Variants in DPYSL5 observed in about 807,000 individuals in gnomAD.
DPYSL5 encodes the protein dihydropyrimidinase like 5, also known as dihydropyrimidinase-related protein 5.
A neutral mutation model predicts 58.4 loss-of-function variants in DPYSL5; 9 were observed. That is an observed-to-expected ratio of 0.15 (90% CI 0.09 to 0.27). DPYSL5 has a LOEUF of 0.27. DPYSL5 is among the 10% of genes least tolerant of loss of function. The probability of loss-of-function intolerance (pLI) is 1.00; values close to 1 mark genes in which losing one functional copy is unlikely to be tolerated. For synonymous variants in DPYSL5, 293 were observed against 301.9 expected, an observed-to-expected ratio of 0.97 and a Z score of 0.31; for missense variants, 499 against 770.6, an observed-to-expected ratio of 0.65 and a Z score of 4.17.
At chr2:26,901,688 AAAG>A (rs1288426756) in intron 2 of DPYSL5, among the ~76,000 whole-genome samples, 9 of 152,188 alleles carry the variant, frequency 5.9e-5, no homozygotes, top group Non-Finnish European at 1.2e-4. Flanking sequence ...ATTAGCCAAG[AAAG>A]AAGGAGAGAT....
Position 26,947,048 on chromosome 2 carries a change from C to A in DPYSL5, c.*53C>A. The A allele has an allele frequency of 2.0e-6, 3 of 1,469,348 alleles. No individual in the cohort carries two copies. The highest frequency in any genetic ancestry group is 2.8e-6 in the Non-Finnish European group (3 of 1,061,506). The allele number at this position is 1,469,348 out of a possible 1,614,324, so 91.0% of individuals were successfully genotyped here. ...ACGCACCGCCGCCACCAGCCCGCAACTCTCCAGCCGAAGCTGCAGGGGCAG... is the reference window on the plus strand; with the variant it reads ...ACGCACCGCCGCCACCAGCCCGCAAATCTCCAGCCGAAGCTGCAGGGGCAG... On this transcript the variant is annotated 3_prime_UTR_variant, in exon 13 of 13. Transcript: ENST00000288699. The surrounding 1 kb of genome is among the most constrained non-coding windows in gnomAD (Gnocchi z 4.2).
chr2:26,859,162 A>G (rs1342772822), intron 1 of DPYSL5, among the ~76,000 whole-genome samples: 2 of 152,024 alleles, frequency 1.3e-5, no homozygotes, highest in Admixed American at 1.3e-4. Context: ...CATTTTTTTA[A>G]TTCATTTTGT....
chr2:26,911,135 GAA>G (rs1664430549), intron 2 of DPYSL5, among the ~76,000 whole-genome samples: 1 of 94,866 alleles, frequency 1.1e-5, no homozygotes, highest in Non-Finnish European at 2.0e-5. Flanking sequence ...GCCATTTGTT[GAA>G]AAGATTATCC....
At chr2:26,885,393 C>T (rs1345004062) in intron 1 of DPYSL5, among the ~76,000 whole-genome samples, 1 of 152,142 alleles carries the variant, frequency 6.6e-6, no homozygotes, top group Non-Finnish European at 1.5e-5. Context: ...TCCGATTCTA[C>T]CTTCTCTCCA....
At chr2:26,882,673 G>A (rs949586300) in intron 1 of DPYSL5, among the ~76,000 whole-genome samples, 2 of 152,228 alleles carry the variant, frequency 1.3e-5, no homozygotes, top group South Asian at 4.1e-4. Context: ...GGCCAAGGTG[G>A]GTGGATCACT....
At chr2:26,945,703 A>G (rs1665460381) in intron 12 of DPYSL5, among the ~76,000 whole-genome samples, 1 of 152,212 alleles carries the variant, frequency 6.6e-6, no homozygotes, top group African/African-American at 2.4e-5. Flanking sequence ...AAGCCCAGAG[A>G]GAGACCAAGC....
At chr2:26,946,884 C>T in intron 12 of DPYSL5, 26 bp from the exon 13 acceptor site, 6 of 1,602,948 alleles carry the variant, frequency 3.7e-6, no homozygotes, top group Non-Finnish European at 5.1e-6. Context: ...GAGCCCGTCT[C>T]ACCCTCTGTG....
intron 1 of DPYSL5, among the ~76,000 whole-genome samples, chr2:26,857,727 T>C (rs1311475579): frequency 6.6e-6 from 1 of 152,206 alleles, no homozygotes; most frequent in African/African-American, 2.4e-5. Context: ...AATAGAATTA[T>C]GACATGTATC....
Position 26,924,774 on chromosome 2 carries a change from C to T in DPYSL5, c.262-113C>T, listed in dbSNP as rs1314519111. On this transcript the variant is annotated intron_variant, in intron 2 of 12. Transcript: ENST00000288699. This position sits in a 1 kb window ranked among gnomAD's most constrained non-coding sequence, Gnocchi z 4.7. ...CCTCGCTGCCCTTGGTCCTCACAGC[C>T]TCTTGTGAGGCAGGGCCTGTCTTTG... The T allele has an allele frequency of 5.0e-6, 7 of 1,414,038 alleles. No homozygotes were observed. The African/African-American group carries it at 1.0e-4, about 20-fold the overall frequency. 87.6% of individuals were successfully genotyped at this position (1,414,038 alleles called of 1,614,324 possible). A position where few individuals can be genotyped will look rare whatever the true frequency, so the allele number is the denominator to read the frequency against.
In DPYSL5 at chr2:26,886,411, C is replaced by T. The variant is rs184349386; in HGVS notation, c.-4-12085C>T. 3.0e-3 allele frequency among the ~76,000 whole-genome samples: 452 copies of T among 152,178 alleles called. 4 individuals carry two copies. Among genetic ancestry groups the T allele is most frequent in the Middle Eastern group, 6.8e-3 (2 of 294 alleles). ...CATGTAGGTCATAAATATTTTATTT[C>T]TGTCTAAATAAATTATAAAAAATGC... is the stretch of plus-strand genomic sequence containing the variant. On this transcript the variant is annotated intron_variant, in intron 1 of 12. Transcript: ENST00000288699.
At chr2:26,901,793 G>C (rs1664165133) in intron 2 of DPYSL5, among the ~76,000 whole-genome samples, 1 of 96,016 alleles carries the variant, frequency 1.0e-5, no homozygotes. Flanking sequence ...ACCCCAGCTA[G>C]CGTCTGCTTG....
chr2:26,925,961 G>A lies in DPYSL5; in HGVS notation c.420+916G>A, dbSNP rs961783705. Among the ~76,000 whole-genome samples the A allele has an allele frequency of 6.6e-6, 1 of 152,172 alleles. No individual in the cohort carries two copies. The highest frequency in any genetic ancestry group is 2.4e-5 in the African/African-American group (1 of 41,446). On this transcript the variant is annotated intron_variant, in intron 3 of 12. Transcript: ENST00000288699. The surrounding 1 kb of genome is among the most constrained non-coding windows in gnomAD (Gnocchi z 4.5). ...CGTCAAAAACCCACTTGTAACTGCT[G>A]CTAATCAGAGTGTATATTCAGGGCA...
At chr2:26,907,705 G>T (rs140845009) in intron 2 of DPYSL5, among the ~76,000 whole-genome samples, 2 of 152,088 alleles carry the variant, frequency 1.3e-5, no homozygotes, top group African/African-American at 2.4e-5. Context: ...CCTTCAAGGC[G>T]AACAGCCTCT....
chr2:26,891,073 G>A (rs911197215), intron 1 of DPYSL5, among the ~76,000 whole-genome samples: 1 of 152,140 alleles, frequency 6.6e-6, no homozygotes, highest in Non-Finnish European at 1.5e-5. Flanking sequence ...GAACTGTCTG[G>A]CTTTCAATCT....
rs547049246 is a variant in DPYSL5, at chr2:26,905,637, C to G, written c.261+6877C>G. Reference sequence around the variant, plus strand: ...GGGATTGGCATAGCTGGGCTCCTCTCTCCACTTTCTTCTGTGACTCACCTG... The same window carrying G: ...GGGATTGGCATAGCTGGGCTCCTCTGTCCACTTTCTTCTGTGACTCACCTG... On this transcript the variant is annotated intron_variant, in intron 2 of 12. Coordinates refer to ENST00000288699, the MANE Select transcript of DPYSL5 (RefSeq NM_020134.4). The surrounding 1 kb of genome is among the most constrained non-coding windows in gnomAD (Gnocchi z 4.0). Among the ~76,000 whole-genome samples the G allele has an allele frequency of 6.6e-6, 1 of 152,250 alleles. No homozygotes were observed. The highest frequency in any genetic ancestry group is 1.5e-5 in the Non-Finnish European group (1 of 68,026).
intron 1 of DPYSL5, among the ~76,000 whole-genome samples, chr2:26,892,691 AC>A (rs1163367681): frequency 1.3e-5 from 2 of 151,622 alleles, no homozygotes; most frequent in African/African-American, 4.9e-5. Flanking sequence ...AAACAAAAAA[AC>A]AAACAAAAAC....
rs1250846384 is a variant in DPYSL5 at position 26,928,976 on chromosome 2, T to C, written c.669+653T>C. ...TTGGGGGATGACATTCCTTTGAGCA[T>C]CTGAGGAATACTTTGGACCAGGGGT... On this transcript the variant is annotated intron_variant, in intron 5 of 12. Transcript: ENST00000288699. Among the ~76,000 whole-genome samples the C allele has an allele frequency of 2.6e-5, 4 of 151,846 alleles. No individual in the cohort carries two copies. The East Asian group carries it at 5.9e-4, about 22-fold the overall frequency.
At chr2:26,926,232 C>T (rs533430671) in intron 3 of DPYSL5, among the ~76,000 whole-genome samples, 3 of 152,180 alleles carry the variant, frequency 2.0e-5, no homozygotes, top group Admixed American at 6.5e-5. Context: ...TATAGAAGAC[C>T]TCCTCCCGGT....
At chr2:26,922,257 T>C (rs528350779) in intron 2 of DPYSL5, among the ~76,000 whole-genome samples, 1 of 152,240 alleles carries the variant, frequency 6.6e-6, no homozygotes, top group Admixed American at 6.5e-5. Context: ...GGACAGAGCT[T>C]AGGTCTGCAG....
Sources: allele counts gnomAD v4.1 joint callset (sites outside exome capture counted in the v4.1 genomes callset), GRCh38; gene constraint gnomAD v4.1.1; non-coding constraint Gnocchi (gnomAD v3.1); transcripts MANE v1.5; gene names NCBI Gene and HGNC (gene_info 2026-07-23, HGNC 2026-07-21).